The following LRIG1 variants were observed in gnomAD, a reference collection of about 807,000 sequenced individuals.
The protein encoded by LRIG1 is leucine-rich repeats and immunoglobulin-like domains protein 1.
In LRIG1, 48 loss-of-function variants were observed where a neutral mutation model predicts 99.2. That is an observed-to-expected ratio of 0.48 (90% CI 0.38 to 0.62). LRIG1 has a LOEUF of 0.62. Among genes scored for constraint, LRIG1 ranks in the 20% least tolerant of loss-of-function variants. The probability of loss-of-function intolerance (pLI) is 0.00; values close to 1 mark genes in which losing one functional copy is unlikely to be tolerated. For synonymous variants in LRIG1, 772 were observed against 596.1 expected, an observed-to-expected ratio of 1.29 and a Z score of -4.30; for missense variants, 1,646 against 1,434.4, an observed-to-expected ratio of 1.15 and a Z score of -2.38.
At chr3:66,434,386 G>A (rs1385802614) in intron 3 of LRIG1, among the ~76,000 whole-genome samples, 2 of 152,192 alleles carry the variant, frequency 1.3e-5, no homozygotes. Context: ...TGGTCATCAT[G>A]CAAATAAAAA....
intron 1 of LRIG1, among the ~76,000 whole-genome samples, chr3:66,485,144 T>G (rs1700942460): frequency 8.0e-6 from 1 of 125,082 alleles, no homozygotes; most frequent in Non-Finnish European, 1.8e-5. Flanking sequence ...GGTGACAGAT[T>G]AAGACCCTCT....
intron 9 of LRIG1, chr3:66,401,511 GTTA>G: frequency 1.2e-6 from 1 of 804,528 alleles, no homozygotes; most frequent in Non-Finnish European, 1.8e-6. Context: ...AGGGCAGGCT[GTTA>G]TTTTTAACGG....
At chr3:66,382,538 TACG>T in intron 15 of LRIG1, 140 bp from the exon 16 acceptor site, 1 of 977,582 alleles carries the variant, frequency 1.0e-6, no homozygotes, top group African/African-American at 1.6e-5. Flanking sequence ...GGAGTCCATG[TACG>T]CAACAGGCCC....
At chr3:66,407,587 G>A in intron 7 of LRIG1, 96 bp from the exon 8 acceptor site, 2 of 1,418,666 alleles carry the variant, frequency 1.4e-6, no homozygotes, top group Non-Finnish European at 2.0e-6. Flanking sequence ...GGGTTTCAGT[G>A]GGAAATGACA....
At position 66,500,628 on chromosome 3, in the gene LRIG1, C is replaced by G; in HGVS notation, c.-221G>C. The stretch of plus-strand genomic sequence containing the variant: ...CCGGCGGGGGCCGCAAACCCCGCGC[C>G]CATCCGGGCCGGCCGGCCCGCCCGC... On this transcript the variant is annotated 5_prime_UTR_variant, in exon 1 of 19. Transcript: ENST00000273261. 1 of 325,894 alleles carries G rather than the reference C, an allele frequency of 3.1e-6. No individual in the cohort carries two copies. Among genetic ancestry groups the G allele is most frequent in the Non-Finnish European group, 5.6e-6 (1 of 180,138 alleles). The allele number at this position is 325,894 out of a possible 1,614,324, so 20.2% of individuals were successfully genotyped here.
intron 1 of LRIG1, among the ~76,000 whole-genome samples, chr3:66,468,644 C>T (rs1003213467): frequency 6.6e-6 from 1 of 152,192 alleles, no homozygotes; most frequent in African/African-American, 2.4e-5. Flanking sequence ...GGCCTGGGAG[C>T]CGTGGGCTCT....
chr3:66,384,826 G>T (rs573786960), intron 13 of LRIG1, among the ~76,000 whole-genome samples: 14 of 152,196 alleles, frequency 9.2e-5, no homozygotes, highest in Non-Finnish European at 2.1e-4. Flanking sequence ...TCAGCCTAAA[G>T]ATCGATGTCC....
chr3:66,382,536 T>C (rs1701139829), intron 15 of LRIG1, 138 bp from the exon 16 acceptor site: 3 of 1,004,842 alleles, frequency 3.0e-6, no homozygotes, highest in East Asian at 2.4e-5. Flanking sequence ...ATGGAGTCCA[T>C]GTACGCAACA....
intron 5 of LRIG1, 54 bp from the exon 6 acceptor site, chr3:66,413,068 C>T (rs1040656009): frequency 2.5e-6 from 4 of 1,600,162 alleles, no homozygotes; most frequent in Admixed American, 1.7e-5. Context: ...ATCCCACCCA[C>T]AACCATTCTG....
intron 3 of LRIG1, among the ~76,000 whole-genome samples, chr3:66,445,902 C>T (rs1575697865): frequency 6.6e-6 from 1 of 152,152 alleles, no homozygotes. Flanking sequence ...TATTAACAAC[C>T]TTAGCTCAGA....
At chr3:66,432,086 G>C (rs1703190489) in intron 3 of LRIG1, among the ~76,000 whole-genome samples, 2 of 152,220 alleles carry the variant, frequency 1.3e-5, no homozygotes, top group African/African-American at 4.8e-5. Flanking sequence ...CTTAAGTGCA[G>C]AGCAGACTAA....
intron 3 of LRIG1, among the ~76,000 whole-genome samples, chr3:66,450,239 C>T (rs1044219308): frequency 1.3e-5 from 2 of 152,222 alleles, no homozygotes; most frequent in South Asian, 2.1e-4. Context: ...TTAAATCCTG[C>T]GGCCTTAAAG....
rs1424733408 is a variant in LRIG1, at chr3:66,500,312, G to A, written c.96C>T (p.Thr32=). The A allele has an allele frequency of 4.1e-6, 6 of 1,479,528 alleles. No homozygotes were observed. In the East Asian group the frequency reaches 8.2e-5, roughly 20 times the overall value. 91.7% of individuals were successfully genotyped at this position (1,479,528 alleles called of 1,614,324 possible). The part of the protein sequence containing the change: ...WLLLLRLEPV[T]AAAGPRAPCA... ...AGGGCGCCCGCGGGCCGGCCGCGGC[G>A]GTCACCGGCTCCAGCCGAAGCAAAA... Residue 32 remains threonine (T), a synonymous_variant, in exon 1 of 19, where the codon ACC becomes ACT. Coordinates refer to ENST00000273261, the MANE Select transcript of LRIG1 (RefSeq NM_015541.3).
At chr3:66,439,639 G>C (rs1703477743) in intron 3 of LRIG1, among the ~76,000 whole-genome samples, 1 of 151,848 alleles carries the variant, frequency 6.6e-6, no homozygotes, top group East Asian at 1.9e-4. Flanking sequence ...CTTAGAATAA[G>C]TCAGTTTTGC....
chr3:66,447,783 A>C (rs1703776387), intron 3 of LRIG1, among the ~76,000 whole-genome samples: 1 of 152,242 alleles, frequency 6.6e-6, no homozygotes, highest in Non-Finnish European at 1.5e-5. Context: ...CAAGTGCAGC[A>C]ACACCACCGG....
intron 3 of LRIG1, among the ~76,000 whole-genome samples, chr3:66,448,794 C>T (rs77584350): frequency 0.061 from 9,252 of 152,204 alleles, 358 homozygotes; most frequent in South Asian, 0.14. Flanking sequence ...CCCACAAAAA[C>T]GGAATAAGAA....
At chr3:66,464,265 A>C (rs1358537910) in intron 1 of LRIG1, among the ~76,000 whole-genome samples, 2 of 152,144 alleles carry the variant, frequency 1.3e-5, no homozygotes, top group Non-Finnish European at 1.5e-5. Flanking sequence ...TGAAGCAGGA[A>C]GGGATATTAG....
At chr3:66,474,416 G>GC (rs1381331322) in intron 1 of LRIG1, among the ~76,000 whole-genome samples, 1 of 150,384 alleles carries the variant, frequency 6.6e-6, no homozygotes, top group Non-Finnish European at 1.5e-5. Flanking sequence ...TGTGATCTCA[G>GC]CTCACTGCAA....
intron 1 of LRIG1, among the ~76,000 whole-genome samples, chr3:66,473,099 C>T (rs1461634826): frequency 6.6e-6 from 1 of 152,098 alleles, no homozygotes; most frequent in Non-Finnish European, 1.5e-5. Context: ...GGCAAATACC[C>T]TTCTGGGTTA....
Sources: gnomAD v4.1 joint callset for allele counts (sites outside exome capture counted in the v4.1 genomes callset) on GRCh38, gnomAD v4.1.1 for gene constraint, MANE v1.5 for transcripts, NCBI Gene and HGNC (gene_info 2026-07-23, HGNC 2026-07-21) for gene names.